The following ANKRD30B variants were observed in gnomAD, a reference collection of about 807,000 sequenced individuals.
ANKRD30B encodes the protein ankyrin repeat domain-containing protein 30B.
A neutral mutation model predicts 202.2 loss-of-function variants in ANKRD30B; 144 were observed. The observed-to-expected ratio is 0.71, with a 90% CI of 0.62 to 0.82. The LOEUF (loss-of-function observed/expected upper bound fraction) is 0.82, where lower values mean the gene tolerates loss of function less well. Among genes scored for constraint, ANKRD30B ranks in the 40% least tolerant of loss-of-function variants. The pLI is 0.00. For synonymous variants in ANKRD30B, 508 were observed against 561.3 expected, an observed-to-expected ratio of 0.91 and a Z score of 1.34; for missense variants, 1,487 against 1,669.1, an observed-to-expected ratio of 0.89 and a Z score of 1.90.
intron 18 of ANKRD30B, among the ~76,000 whole-genome samples, chr18:14,797,266 T>G (rs2143973127): frequency 6.6e-6 from 1 of 152,238 alleles, no homozygotes; most frequent in African/African-American, 2.4e-5. Flanking sequence ...TTCCCAGAGC[T>G]ATGAACATAT....
chr18:14,886,666 T>C, the ANKRD30B span, among the ~76,000 whole-genome samples: 1 of 152,148 alleles, frequency 6.6e-6, no homozygotes, highest in South Asian at 2.1e-4. Flanking sequence ...AGATTAGTTT[T>C]ATTATGTATT....
intron 1 of ANKRD30B, among the ~76,000 whole-genome samples, chr18:14,752,127 G>A (rs1056986224): frequency 1.3e-5 from 2 of 152,090 alleles, no homozygotes; most frequent in East Asian, 1.9e-4. Flanking sequence ...TTAAGTAGTA[G>A]TAATAATTAT....
intron 30 of ANKRD30B, among the ~76,000 whole-genome samples, chr18:14,820,699 C>A (rs1328621663): frequency 6.6e-6 from 1 of 152,056 alleles, no homozygotes; most frequent in Non-Finnish European, 1.5e-5. Flanking sequence ...AGCCTTGCAT[C>A]CCAGGGATGA....
intron 37 of ANKRD30B, among the ~76,000 whole-genome samples, chr18:14,841,829 G>A (rs2792543): frequency 2.6e-5 from 4 of 152,146 alleles, no homozygotes; most frequent in Non-Finnish European, 4.4e-5. Context: ...TACCGGAAGC[G>A]GGAGGATTAC....
chr18:14,912,748 T>A, the ANKRD30B span, among the ~76,000 whole-genome samples: 1 of 152,228 alleles, frequency 6.6e-6, no homozygotes, highest in Admixed American at 6.5e-5. Flanking sequence ...TGGCCCTGGG[T>A]TTCTACTTCT....
Position 14,822,446 on chromosome 18 carries a change from T to G in ANKRD30B, c.2642-37T>G, listed in dbSNP as rs369558910. 608 of 1,124,218 alleles carry G rather than the reference T, an allele frequency of 5.4e-4. 1 individual carries two copies. In the African/African-American group the frequency reaches 7.8e-3, roughly 14 times the overall value. 69.6% of individuals were successfully genotyped at this position (1,124,218 alleles called of 1,614,324 possible). On this transcript the variant is annotated intron_variant, in intron 30 of 43. Transcript: ENST00000690538. ...AATGTTTGGTAGACTTTGACAGGCT[T>G]GCGTATAATCAATTATATATGTCCC...
chr18:14,828,524 A>G (rs550419637), intron 33 of ANKRD30B, among the ~76,000 whole-genome samples: 1 of 152,248 alleles, frequency 6.6e-6, no homozygotes, highest in Non-Finnish European at 1.5e-5. Context: ...GAGGTTGATT[A>G]ATTGGCCTAT....
intron 11 of ANKRD30B, among the ~76,000 whole-genome samples, chr18:14,781,356 T>A (rs1230199311): frequency 1.5e-5 from 2 of 134,820 alleles, no homozygotes; most frequent in Non-Finnish European, 3.1e-5. Context: ...GTGCAGTGGC[T>A]GGATCTCCAC....
chr18:14,749,433 C>T (rs991670398), intron 1 of ANKRD30B, among the ~76,000 whole-genome samples: 9 of 151,860 alleles, frequency 5.9e-5, no homozygotes, highest in African/African-American at 2.4e-5. Context: ...GCACTTTGGG[C>T]GGCCGAGGCG....
intron 26 of ANKRD30B, 94 bp downstream of exon 26, chr18:14,808,838 G>A (rs1423623310): frequency 1.6e-6 from 2 of 1,258,752 alleles, no homozygotes; most frequent in Non-Finnish European, 2.2e-6. Flanking sequence ...GTTTTCTTTA[G>A]AAAATTTGGT....
the ANKRD30B span, among the ~76,000 whole-genome samples, chr18:14,910,447 A>G: frequency 2.6e-5 from 4 of 151,238 alleles, no homozygotes; most frequent in Non-Finnish European, 4.4e-5. Flanking sequence ...GTGTTACATA[A>G]TATATATGTG....
intron 32 of ANKRD30B, among the ~76,000 whole-genome samples, chr18:14,823,844 G>T (rs1970557117): frequency 6.6e-6 from 1 of 152,102 alleles, no homozygotes; most frequent in Non-Finnish European, 1.5e-5. Flanking sequence ...TTGTGGTGGT[G>T]GGTGCCTGTA....
chr18:14,772,591 T>C lies in ANKRD30B; in HGVS notation c.1329+363T>C, dbSNP rs552174127. Among the ~76,000 whole-genome samples the C allele has an allele frequency of 2.0e-5, 3 of 152,198 alleles. No individual in the cohort carries two copies. The South Asian group carries it at 6.2e-4, about 32-fold the overall frequency. The stretch of plus-strand genomic sequence containing the variant: ...TGTGACTTTTAAAATTATTCTTTTG[T>C]AACTTAAAACAAAATTCATGCTTAA... On this transcript the variant is annotated intron_variant, in intron 9 of 43. Coordinates refer to ENST00000690538, the MANE Select transcript of ANKRD30B (RefSeq NM_001367607.2).
intron 16 of ANKRD30B, among the ~76,000 whole-genome samples, chr18:14,792,595 G>A (rs1038001752): frequency 1.1e-4 from 17 of 151,940 alleles, no homozygotes; most frequent in Admixed American, 3.9e-4. Context: ...AATTCACTTC[G>A]GAAGCATTTA....
intron 32 of ANKRD30B, among the ~76,000 whole-genome samples, chr18:14,824,927 G>A (rs1970600593): frequency 6.6e-6 from 1 of 152,200 alleles, no homozygotes; most frequent in Admixed American, 6.5e-5. Context: ...CATTTGGTAA[G>A]CTGAATTTGG....
chr18:14,760,772 A>G (rs1390830504), intron 6 of ANKRD30B, among the ~76,000 whole-genome samples, 154 bp downstream of exon 6: 8 of 152,126 alleles, frequency 5.3e-5, no homozygotes, highest in Admixed American at 5.2e-4. Context: ...ATATGTATAC[A>G]TAGCTTTGAT....
chr18:14,818,940 G>A (rs990970004), intron 30 of ANKRD30B, among the ~76,000 whole-genome samples: 3 of 151,904 alleles, frequency 2.0e-5, no homozygotes, highest in African/African-American at 7.2e-5. Context: ...TCGCCACACT[G>A]ACTTCCACAA....
rs771255090 is a variant in ANKRD30B at position 14,757,887 on chromosome 18, C to T, written c.690C>T (p.Asp230=). ...IVGMLLQQNV[D]VFAEDIHGIT... is the part of the protein sequence containing the mutation. ...GCATGCTTCTTCAGCAAAATGTTGA[C>T]GTCTTTGCTGAAGACATACATGGAA... Residue 230 remains aspartate (D), a synonymous_variant, in exon 5 of 44, where the codon GAC becomes GAT. Transcript: ENST00000690538. 9.3e-6 allele frequency: 15 copies of T among 1,612,888 alleles called. No homozygotes were observed. Among genetic ancestry groups the T allele is most frequent in the African/African-American group, 2.7e-5 (2 of 74,902 alleles).
intron 7 of ANKRD30B, among the ~76,000 whole-genome samples, chr18:14,764,343 G>C (rs1915751072): frequency 6.6e-6 from 1 of 151,930 alleles, no homozygotes; most frequent in Non-Finnish European, 1.5e-5. Context: ...AAGTTGTTTT[G>C]GTAGTACAGG....
Sources: allele counts gnomAD v4.1 joint callset (sites outside exome capture counted in the v4.1 genomes callset), GRCh38; gene constraint gnomAD v4.1.1; transcripts MANE v1.5; gene names NCBI Gene and HGNC (gene_info 2026-07-23, HGNC 2026-07-21).